Variants in HS3ST3A1 observed in about 807,000 individuals in gnomAD.
HS3ST3A1 encodes heparan sulfate glucosamine 3-O-sulfotransferase 3A1.
In HS3ST3A1, 19 loss-of-function variants were observed where a neutral mutation model predicts 25.7. The ratio of observed to expected loss-of-function variants is 0.74; its 90% CI spans 0.52 to 1.08. HS3ST3A1 has a LOEUF of 1.08. Among genes scored for constraint, HS3ST3A1 ranks in the 50% least tolerant of loss-of-function variants. The probability of loss-of-function intolerance (pLI) is 0.00; values close to 1 mark genes in which losing one functional copy is unlikely to be tolerated. For synonymous variants in HS3ST3A1, 226 were observed against 278.6 expected (o/e 0.81, Z 1.88); for missense variants, 459 against 594.3 (o/e 0.77, Z 2.37).
chr17:13,512,317 A>AACAAAAC (rs1555537360), intron 1 of HS3ST3A1, among the ~76,000 whole-genome samples: 5 of 150,916 alleles, frequency 3.3e-5, no homozygotes, highest in Non-Finnish European at 5.9e-5. Context: ...AAAAAAAAAA[A>AACAAAAC]AAAAAAAAAA....
At chr17:13,528,365 G>A (rs755821474) in intron 1 of HS3ST3A1, among the ~76,000 whole-genome samples, 13 of 152,210 alleles carry the variant, frequency 8.5e-5, no homozygotes, top group Admixed American at 3.9e-4. Flanking sequence ...GTGGGCAGCC[G>A]ACAGGTTTCA....
chr17:13,600,937 C>G lies in HS3ST3A1; in HGVS notation c.193G>C (p.Ala65Pro). ...GLSGGGEEAG[A>P]PGGGVLAGGP... ...CCGGCCAGGACGCCGCCACCAGGGG[C>G]CCCCGCCTCCTCGCCGCCGCCGGAC... Residue 65 changes from alanine (A) to proline (P), a missense_variant, in exon 1 of 2, where the codon GCC becomes CCC. By Grantham distance (27) the Ala-to-Pro change is conservative. Coordinates refer to ENST00000284110, the MANE Select transcript of HS3ST3A1 (RefSeq NM_006042.3). 6.5e-7 allele frequency: 1 copy of G among 1,533,370 alleles called. No homozygotes were observed. The highest frequency in any genetic ancestry group is 1.8e-4 in the Middle Eastern group (1 of 5,484). The allele number at this position is 1,533,370 out of a possible 1,614,324, so 95.0% of individuals were successfully genotyped here.
intron 1 of HS3ST3A1, among the ~76,000 whole-genome samples, chr17:13,500,351 C>T (rs1029678): frequency 0.22 from 32,764 of 152,040 alleles, 3,611 homozygotes; most frequent in East Asian, 0.29. Flanking sequence ...GCAAAACCTA[C>T]AATTACTTTT....
intron 1 of HS3ST3A1, among the ~76,000 whole-genome samples, chr17:13,542,482 G>A (rs146567634): frequency 2.0e-5 from 3 of 152,170 alleles, no homozygotes; most frequent in East Asian, 1.9e-4. Context: ...GTGGCCATGT[G>A]CAAGCCAAGG....
At chr17:13,502,997 G>A (rs886394942) in intron 1 of HS3ST3A1, among the ~76,000 whole-genome samples, 3 of 151,820 alleles carry the variant, frequency 2.0e-5, no homozygotes, top group South Asian at 2.1e-4. Flanking sequence ...TGGCCAACAT[G>A]GTGAAACCAC....
intron 1 of HS3ST3A1, among the ~76,000 whole-genome samples, chr17:13,522,850 A>AGG (rs1906291149): frequency 9.5e-6 from 1 of 105,448 alleles, no homozygotes; most frequent in Non-Finnish European, 2.0e-5. Context: ...ACACACACAG[A>AGG]GAGACACACA....
chr17:13,496,142 A>C lies in HS3ST3A1; in HGVS notation c.*55T>G. On this transcript the variant is annotated 3_prime_UTR_variant, in exon 2 of 2. Coordinates refer to ENST00000284110, the MANE Select transcript of HS3ST3A1 (RefSeq NM_006042.3). ...ATATTAAACTGTCTCTTCTCTACCG[A>C]TTGGTAAAAAAATATATTATATTTT... The C allele has an allele frequency of 1.4e-6, 2 of 1,447,986 alleles. No homozygotes were observed. Among genetic ancestry groups the C allele is most frequent in the South Asian group, 3.1e-5 (2 of 64,532 alleles). 89.7% of individuals were successfully genotyped at this position (1,447,986 alleles called of 1,614,324 possible). A position where few individuals can be genotyped will look rare whatever the true frequency, so the allele number is the denominator to read the frequency against.
At chr17:13,535,446 G>A (rs1906742720) in intron 1 of HS3ST3A1, among the ~76,000 whole-genome samples, 2 of 152,162 alleles carry the variant, frequency 1.3e-5, no homozygotes, top group African/African-American at 4.8e-5. Context: ...CAGTATGAGA[G>A]CTAAAACAAG....
At chr17:13,505,817 A>G (rs1301175398) in intron 1 of HS3ST3A1, among the ~76,000 whole-genome samples, 1 of 152,012 alleles carries the variant, frequency 6.6e-6, no homozygotes, top group Non-Finnish European at 1.5e-5. Context: ...CCAGGTCAGG[A>G]GTTCGAGACC....
intron 1 of HS3ST3A1, among the ~76,000 whole-genome samples, chr17:13,540,824 C>G (rs1036200500): frequency 6.6e-6 from 1 of 152,196 alleles, no homozygotes; most frequent in South Asian, 2.1e-4. Flanking sequence ...AAGGGAAAGG[C>G]AGAAGGGATC....
intron 1 of HS3ST3A1, among the ~76,000 whole-genome samples, chr17:13,520,273 T>C (rs1361648179): frequency 2.0e-5 from 3 of 152,226 alleles, no homozygotes; most frequent in Non-Finnish European, 4.4e-5. Flanking sequence ...GCTATTATTT[T>C]CTCATGTCTG....
At chr17:13,562,752 T>TCC (rs1352169173) in intron 1 of HS3ST3A1, among the ~76,000 whole-genome samples, 1 of 152,050 alleles carries the variant, frequency 6.6e-6, no homozygotes, top group African/African-American at 2.4e-5. Context: ...CAGAGTCAAA[T>TCC]ATCAAGGCAC....
chr17:13,525,993 C>A (rs1906402596), intron 1 of HS3ST3A1, among the ~76,000 whole-genome samples: 1 of 152,054 alleles, frequency 6.6e-6, no homozygotes, highest in East Asian at 1.9e-4. Flanking sequence ...GCACTAAGCC[C>A]CCAGCTGTAC....
chr17:13,601,511 A>G lies in HS3ST3A1; in HGVS notation c.-382T>C, dbSNP rs1315285594. On this transcript the variant is annotated 5_prime_UTR_variant, in exon 1 of 2. Coordinates refer to ENST00000284110, the MANE Select transcript of HS3ST3A1 (RefSeq NM_006042.3). Reference sequence around the variant, plus strand: ...CGTGCGTCTCAGCCCCGGCCCCGAGAGACTTCTCGGCGCGGATCTCCGCTC... The same window carrying G: ...CGTGCGTCTCAGCCCCGGCCCCGAGGGACTTCTCGGCGCGGATCTCCGCTC... 2.1e-5 allele frequency: 4 copies of G among 191,800 alleles called. No homozygotes were observed. The highest frequency in any genetic ancestry group is 4.2e-5 in the Non-Finnish European group (4 of 95,346). The allele number at this position is 191,800 out of a possible 1,614,324, so 11.9% of individuals were successfully genotyped here. A position where few individuals can be genotyped will look rare whatever the true frequency, so the allele number is the denominator to read the frequency against.
intron 1 of HS3ST3A1, among the ~76,000 whole-genome samples, chr17:13,503,803 C>T (rs1446436208): frequency 6.6e-6 from 1 of 152,168 alleles, no homozygotes; most frequent in Non-Finnish European, 1.5e-5. Flanking sequence ...AACTCTTTGG[C>T]ACTATCTACC....
chr17:13,588,400 T>C (rs1488579913), intron 1 of HS3ST3A1, among the ~76,000 whole-genome samples: 2 of 152,192 alleles, frequency 1.3e-5, no homozygotes, highest in African/African-American at 2.4e-5. Flanking sequence ...AATTGAAGTT[T>C]AGAATCCATA....
intron 1 of HS3ST3A1, among the ~76,000 whole-genome samples, chr17:13,504,919 G>C (rs1905609553): frequency 6.6e-6 from 1 of 152,192 alleles, no homozygotes; most frequent in Non-Finnish European, 1.5e-5. Flanking sequence ...TGGAGGATGT[G>C]TTTCAAGAGT....
At position 13,571,913 on chromosome 17, in the gene HS3ST3A1, C is replaced by T. The variant is rs192099669; in HGVS notation, c.599+28618G>A. ...TAGCTAGGACTACCGGCATGTGCCACTGCATCTGGCTAATTTTTGTATTTT... is the reference window on the plus strand; with the variant it reads ...TAGCTAGGACTACCGGCATGTGCCATTGCATCTGGCTAATTTTTGTATTTT... On this transcript the variant is annotated intron_variant, in intron 1 of 1. Transcript: ENST00000284110. 2.1e-4 allele frequency among the ~76,000 whole-genome samples: 32 copies of T among 152,242 alleles called. 1 individual carries two copies. In the East Asian group the frequency reaches 5.8e-3, roughly 28 times the overall value.
intron 1 of HS3ST3A1, among the ~76,000 whole-genome samples, chr17:13,551,634 G>T (rs3785703): frequency 6.9e-6 from 1 of 144,988 alleles, no homozygotes; most frequent in Non-Finnish European, 1.5e-5. Flanking sequence ...AAGGGGGGGG[G>T]GTATTTTTAC....
Sources: allele counts gnomAD v4.1 joint callset (sites outside exome capture counted in the v4.1 genomes callset), GRCh38; gene constraint gnomAD v4.1.1; transcripts MANE v1.5; gene names NCBI Gene and HGNC (gene_info 2026-07-23, HGNC 2026-07-21).